The following TRPA1 variants were observed in gnomAD, a reference collection of about 807,000 sequenced individuals.
The protein encoded by TRPA1 is transient receptor potential cation channel subfamily A member 1.
In TRPA1, 129 loss-of-function variants were observed where a neutral mutation model predicts 131.3. The observed-to-expected ratio is 0.98, with a 90% confidence interval of 0.85 to 1.14. The LOEUF (loss-of-function observed/expected upper bound fraction) is 1.14. TRPA1 is among the 50% of genes most tolerant of loss of function. TRPA1 has a pLI of 0.00. For missense variants in TRPA1, 1,304 were observed against 1,354.2 expected (o/e 0.96, Z 0.58); for synonymous variants, 441 against 451.7 (o/e 0.98, Z 0.30).
chr8:72,069,032 C>T lies in TRPA1; in HGVS notation c.435G>A (p.Glu145=). The change falls in exon 3 of 27, where the codon GAG becomes GAA. Residue 145 remains glutamate, a synonymous_variant. Transcript: ENST00000262209. ...CGGCCAGTAGCCTTACCTTCATCAC[C>T]TCATTATTCATGCCCTGCACAGCTA... ...LHIAVQGMNN[E]VMKVLLEHRT... is the part of the protein sequence containing the mutation. 4 of 1,614,190 alleles carry T rather than the reference C, an allele frequency of 2.5e-6. No homozygotes were observed. The highest frequency in any genetic ancestry group is 1.3e-5 in the African/African-American group (1 of 75,036).
At chr8:72,029,445 G>A (rs924599641) in intron 24 of TRPA1, among the ~76,000 whole-genome samples, 1 of 152,158 alleles carries the variant, frequency 6.6e-6, no homozygotes, top group African/African-American at 2.4e-5. Flanking sequence ...AACAGACACA[G>A]GATGTGACTC....
intron 15 of TRPA1, among the ~76,000 whole-genome samples, chr8:72,048,042 G>C (rs1167647158): frequency 1.3e-5 from 2 of 151,856 alleles, no homozygotes; most frequent in South Asian, 4.2e-4. Flanking sequence ...TGTGTTTAGA[G>C]GGGGGTGGAC....
In TRPA1 at chr8:72,069,008, G is replaced by T; in HGVS notation, c.444+15C>A. 1 of 1,614,112 alleles carries T rather than the reference G, an allele frequency of 6.2e-7. No homozygotes were observed. Among genetic ancestry groups the T allele is most frequent in the South Asian group, 1.1e-5 (1 of 91,074 alleles). ...ACCGCCGGTCAGGCCCTTTGGAGCC[G>T]GCCAGTAGCCTTACCTTCATCACCT... On this transcript the variant is annotated intron_variant, in intron 3 of 26. Transcript: ENST00000262209.
chr8:72,037,839 T>C (rs1007520136), intron 20 of TRPA1, 144 bp downstream of exon 20: 6 of 633,954 alleles, frequency 9.5e-6, no homozygotes, highest in Non-Finnish European at 1.7e-5. Flanking sequence ...TTGAAACATT[T>C]ATGCTTGGTG....
At chr8:72,036,586 A>G (rs972727083) in intron 20 of TRPA1, 129 bp from the exon 21 acceptor site, 33 of 827,144 alleles carry the variant, frequency 4.0e-5, no homozygotes, top group African/African-American at 8.6e-5. Flanking sequence ...AGGACCAAGG[A>G]GTAACCTCAC....
intron 17 of TRPA1, among the ~76,000 whole-genome samples, chr8:72,043,920 G>T (rs576075664): frequency 6.6e-6 from 1 of 151,748 alleles, no homozygotes; most frequent in South Asian, 2.1e-4. Context: ...TGGGTTAGTA[G>T]GTCTAAGATG....
At chr8:72,027,680 C>T (rs974518035) in intron 24 of TRPA1, among the ~76,000 whole-genome samples, 2 of 152,166 alleles carry the variant, frequency 1.3e-5, no homozygotes, top group African/African-American at 4.8e-5. Flanking sequence ...CTAAATGGCC[C>T]TGTCAGAAAT....
In TRPA1 at chr8:72,028,484, T is replaced by G. The variant is rs1020130441; in HGVS notation, c.2937+1417A>C. Reference sequence around the variant, plus strand: ...GATGTCCTGTTAAATCCCAACCATCTTTCAACACTGACTCATCTCACCCCC... The same window carrying G: ...GATGTCCTGTTAAATCCCAACCATCGTTCAACACTGACTCATCTCACCCCC... On this transcript the variant is annotated intron_variant, in intron 24 of 26. Coordinates refer to ENST00000262209, the MANE Select transcript of TRPA1 (RefSeq NM_007332.3). Among the ~76,000 whole-genome samples, 5 of 152,320 alleles carry G rather than the reference T, an allele frequency of 3.3e-5. No homozygotes were observed. In the South Asian group the frequency reaches 8.3e-4, roughly 25 times the overall value.
In TRPA1 at chr8:72,055,429, T is replaced by C. The variant is rs369908098; in HGVS notation, c.1529+7A>G. On this transcript the variant is annotated splice_region_variant and intron_variant, in intron 12 of 26. Transcript: ENST00000262209. Reference sequence around the variant, plus strand: ...ATTATATAAACACTCCAATCATATATCCTCACCTGAGAAACAATGCACCTT... The same window carrying C: ...ATTATATAAACACTCCAATCATATACCCTCACCTGAGAAACAATGCACCTT... The C allele has an allele frequency of 1.2e-6, 2 of 1,610,916 alleles. No homozygotes were observed. Among genetic ancestry groups the C allele is most frequent in the African/African-American group, 2.7e-5 (2 of 74,820 alleles).
the TRPA1 span, among the ~76,000 whole-genome samples, chr8:72,089,540 G>T: frequency 2.4e-4 from 37 of 151,972 alleles, no homozygotes; most frequent in African/African-American, 8.9e-4. Flanking sequence ...AATATCTTTA[G>T]TTCAAAGTTT....
At position 72,075,512 on chromosome 8, in the gene TRPA1, G is replaced by T. The variant is rs2129437097; in HGVS notation, c.-103C>A. The stretch of plus-strand genomic sequence containing the variant: ...CTGCCAGGCGCTGGGGTCCGCGCGA[G>T]CCCGAGCTCTCCCGCGCTGCAGCTC... On this transcript the variant is annotated 5_prime_UTR_variant, in exon 1 of 27. Transcript: ENST00000262209. 2 of 944,414 alleles carry T rather than the reference G, an allele frequency of 2.1e-6. No homozygotes were observed. The highest frequency in any genetic ancestry group is 1.7e-6 in the Non-Finnish European group (1 of 590,132). 58.5% of individuals were successfully genotyped at this position (944,414 alleles called of 1,614,324 possible).
intron 14 of TRPA1, among the ~76,000 whole-genome samples, chr8:72,051,772 T>C (rs1474903243): frequency 6.6e-6 from 1 of 152,214 alleles, no homozygotes; most frequent in Admixed American, 6.6e-5. Flanking sequence ...TGAGACTAAC[T>C]ATCCTCTAAC....
In TRPA1 at chr8:72,071,604, C is replaced by G. The variant is rs544951155; in HGVS notation, c.268+107G>C. On this transcript the variant is annotated intron_variant, in intron 2 of 26. Transcript: ENST00000262209. ...CAATTCTAAGTGAAATATATAGGCT[C>G]TTTATAATTAGCACTAATTACCCTT... 3.1e-6 allele frequency: 4 copies of G among 1,288,524 alleles called. No individual in the cohort carries two copies. The South Asian group carries it at 5.0e-5, about 16-fold the overall frequency. The allele number at this position is 1,288,524 out of a possible 1,614,324, so 79.8% of individuals were successfully genotyped here. A position where few individuals can be genotyped will look rare whatever the true frequency, so the allele number is the denominator to read the frequency against.
chr8:72,075,907 T>TGTGTGG (rs1806173998), upstream of TRPA1, among the ~76,000 whole-genome samples: 1 of 109,124 alleles, frequency 9.2e-6, no homozygotes, highest in Non-Finnish European at 2.0e-5. Context: ...TGTGTGTGTG[T>TGTGTGG]TGGGTGGAGG....
intron 1 of TRPA1, 77 bp downstream of exon 1, chr8:72,075,222 G>A (rs916096481): frequency 2.6e-6 from 3 of 1,136,792 alleles, no homozygotes; most frequent in African/African-American, 1.5e-5. Context: ...CAAACCAAGG[G>A]CTGCCCCCAA....
rs372613225 is a variant in TRPA1, at chr8:72,053,742, G to A, written c.1644+11C>T. The A allele has an allele frequency of 6.9e-5, 110 of 1,595,496 alleles. No individual in the cohort carries two copies. The East Asian group carries it at 8.9e-4, about 13-fold the overall frequency. On this transcript the variant is annotated intron_variant, in intron 13 of 26. Coordinates refer to ENST00000262209, the MANE Select transcript of TRPA1 (RefSeq NM_007332.3). ...GAGATTTTGGGTAAGCATGAGGACCGCAGTACATACCCCGTCTTCATCCAG... is the reference window on the plus strand; with the variant it reads ...GAGATTTTGGGTAAGCATGAGGACCACAGTACATACCCCGTCTTCATCCAG...
chr8:72,039,073 A>G (rs1563387510), intron 18 of TRPA1, 46 bp from the exon 19 acceptor site: 1 of 1,596,350 alleles, frequency 6.3e-7, no homozygotes, highest in East Asian at 2.2e-5. Flanking sequence ...TCAAACAAAA[A>G]TATTTACTTA....
the TRPA1 span, among the ~76,000 whole-genome samples, chr8:72,081,566 T>G: frequency 6.6e-6 from 1 of 152,008 alleles, no homozygotes; most frequent in Admixed American, 6.5e-5. Flanking sequence ...ATTTTCTATT[T>G]ATTATGTTAT....
upstream of TRPA1, chr8:72,076,525 T>C (rs886176631): frequency 3.3e-5 from 5 of 152,336 alleles, no homozygotes; most frequent in Non-Finnish European, 7.3e-5. Context: ...TGACAGACGG[T>C]GCTTCCTGAA....
Sources: gnomAD v4.1 joint callset for allele counts (sites outside exome capture counted in the v4.1 genomes callset) on GRCh38, gnomAD v4.1.1 for gene constraint, MANE v1.5 for transcripts, NCBI Gene and HGNC (gene_info 2026-07-23, HGNC 2026-07-21) for gene names.